Variants in CNGB3 observed in about 807,000 individuals in gnomAD.
CNGB3 encodes the protein cyclic nucleotide-gated channel beta-3.
Under a neutral mutation model 92.8 loss-of-function variants are expected in CNGB3, and 86 were observed. The observed-to-expected ratio is 0.93, with a 90% CI of 0.78 to 1.11. The LOEUF (loss-of-function observed/expected upper bound fraction) is 1.11. Ranked by LOEUF, CNGB3 falls within the 50% of genes least tolerant of loss-of-function variation. The probability of loss-of-function intolerance (pLI) is 0.00; values close to 1 mark genes in which losing one functional copy is unlikely to be tolerated. For synonymous variants in CNGB3, 333 were observed against 332.7 expected, an observed-to-expected ratio of 1.00 and a Z score of -0.01; for missense variants, 1,026 against 956.8, an observed-to-expected ratio of 1.07 and a Z score of -0.95.
chr8:86,690,939 C>G (rs922793320), intron 3 of CNGB3, among the ~76,000 whole-genome samples: 3 of 152,098 alleles, frequency 2.0e-5, no homozygotes, highest in Admixed American at 6.6e-5. Flanking sequence ...GGTACCAGTA[C>G]CATGCTGTTT....
intron 3 of CNGB3, among the ~76,000 whole-genome samples, chr8:86,688,719 C>T (rs566892241): frequency 6.6e-6 from 1 of 151,748 alleles, no homozygotes; most frequent in East Asian, 1.9e-4. Context: ...CTTAGTCTTG[C>T]TAAAGGTTTG....
At chr8:86,578,580 A>T in intron 17 of CNGB3, 109 bp downstream of exon 17, 1 of 1,008,352 alleles carries the variant, frequency 9.9e-7, no homozygotes, top group Non-Finnish European at 1.6e-6. Context: ...GTATTAGATT[A>T]GTCCAAATCA....
At chr8:86,587,642 A>G (rs1821927386) in intron 15 of CNGB3, among the ~76,000 whole-genome samples, 2 of 151,668 alleles carry the variant, frequency 1.3e-5, no homozygotes, top group South Asian at 4.2e-4. Flanking sequence ...AAGATCAGAT[A>G]GTTGTAGATA....
chr8:86,661,741 C>T (rs1162131198), intron 6 of CNGB3: 5 of 1,577,678 alleles, frequency 3.2e-6, no homozygotes, highest in Non-Finnish European at 4.3e-6. Context: ...GATCTAGCAT[C>T]TCAAACATCC....
rs114371452 is a variant in CNGB3, at chr8:86,651,164, G to A, written c.903+2848C>T. 4.4e-3 allele frequency among the ~76,000 whole-genome samples: 663 copies of A among 151,280 alleles called. 6 individuals carry two copies. The highest frequency in any genetic ancestry group is 0.015 in the African/African-American group (630 of 41,316). On this transcript the variant is annotated intron_variant, in intron 7 of 17. Transcript: ENST00000320005. ...TGGACTTTGAAGACCAGAAGGGGGG[G>A]TGTGTTTGGGGTGGGACAAAAAAAC...
chr8:86,581,934 A>C (rs1821793683), intron 15 of CNGB3, among the ~76,000 whole-genome samples: 1 of 152,170 alleles, frequency 6.6e-6, no homozygotes, highest in Non-Finnish European at 1.5e-5. Context: ...AAATTAGTAT[A>C]AAATGTCACA....
At chr8:86,719,928 A>C (rs1824934094) in intron 3 of CNGB3, among the ~76,000 whole-genome samples, 1 of 152,228 alleles carries the variant, frequency 6.6e-6, no homozygotes, top group Non-Finnish European at 1.5e-5. Context: ...TGGTGCTGGG[A>C]TAATTGGCAA....
chr8:86,578,974 A>G, intron 16 of CNGB3, 111 bp from the exon 17 acceptor site: 1 of 1,538,962 alleles, frequency 6.5e-7, no homozygotes, highest in Non-Finnish European at 9.0e-7. Context: ...GGGTACCTAC[A>G]TTAATAGTTG....
In CNGB3 at chr8:86,575,209, G is replaced by A. The variant is rs889323311; in HGVS notation, c.*595C>T. ...GACCAACATTGGTCTTCAGGGGACT[G>A]TTCCAAAAATCAGACTTCTCATTCA... is the stretch of plus-strand genomic sequence containing the variant. On this transcript the variant is annotated 3_prime_UTR_variant, in exon 18 of 18. Transcript: ENST00000320005. The A allele has an allele frequency of 1.3e-5, 2 of 152,196 alleles. No individual in the cohort carries two copies. The highest frequency in any genetic ancestry group is 4.8e-5 in the African/African-American group (2 of 41,446). The allele number at this position is 152,196 out of a possible 1,614,324, so 9.4% of individuals were successfully genotyped here. A position where few individuals can be genotyped will look rare whatever the true frequency, so the allele number is the denominator to read the frequency against.
At chr8:86,697,599 T>G (rs1327788266) in intron 3 of CNGB3, among the ~76,000 whole-genome samples, 3 of 152,186 alleles carry the variant, frequency 2.0e-5, no homozygotes, top group African/African-American at 7.2e-5. Flanking sequence ...TTAAAAAAAT[T>G]TTAGCAAAAC....
At chr8:86,607,332 C>T (rs1229081111) in intron 14 of CNGB3, among the ~76,000 whole-genome samples, 1 of 152,162 alleles carries the variant, frequency 6.6e-6, no homozygotes, top group Non-Finnish European at 1.5e-5. Flanking sequence ...TAAGATTGAA[C>T]CAAGCTCTGG....
chr8:86,581,835 G>A (rs939436509), intron 15 of CNGB3, among the ~76,000 whole-genome samples: 4 of 152,172 alleles, frequency 2.6e-5, no homozygotes, highest in African/African-American at 9.7e-5. Context: ...CCAGTCAACA[G>A]TGGAGACAAA....
At chr8:86,655,779 G>A (rs1214253672) in intron 6 of CNGB3, among the ~76,000 whole-genome samples, 1 of 152,198 alleles carries the variant, frequency 6.6e-6, no homozygotes, top group East Asian at 1.9e-4. Flanking sequence ...TGTGACGAGT[G>A]ATAGATGACT....
At chr8:86,742,684 G>T (rs1023643607) in intron 1 of CNGB3, among the ~76,000 whole-genome samples, 1 of 152,102 alleles carries the variant, frequency 6.6e-6, no homozygotes, top group Admixed American at 6.5e-5. Context: ...TCTGTGGATA[G>T]TTCTAAGTAA....
chr8:86,578,068 C>A (rs1821692020), intron 17 of CNGB3, among the ~76,000 whole-genome samples: 1 of 152,036 alleles, frequency 6.6e-6, no homozygotes, highest in African/African-American at 2.4e-5. Flanking sequence ...TGCCACCATG[C>A]CCGGCTAATT....
At position 86,647,791 on chromosome 8, in the gene CNGB3, G is replaced by A. The variant is rs2131597294; in HGVS notation, c.990+10C>T. 7.5e-7 allele frequency: 1 copy of A among 1,333,922 alleles called. No individual in the cohort carries two copies. Among genetic ancestry groups the A allele is most frequent in the African/African-American group, 1.4e-5 (1 of 69,228 alleles). 82.6% of individuals were successfully genotyped at this position (1,333,922 alleles called of 1,614,324 possible). A position where few individuals can be genotyped will look rare whatever the true frequency, so the allele number is the denominator to read the frequency against. The stretch of plus-strand genomic sequence containing the variant: ...ATAAGGGAAAAGACAATTAAATATA[G>A]TTATCTTACCTTTAACATCCTATTT... On this transcript the variant is annotated intron_variant, in intron 8 of 17. Coordinates refer to ENST00000320005, the MANE Select transcript of CNGB3 (RefSeq NM_019098.5).
intron 15 of CNGB3, chr8:86,593,874 G>C (rs899642869): frequency 1.4e-6 from 1 of 692,968 alleles, no homozygotes. Flanking sequence ...AGCATAGCCA[G>C]GTCCTGCTTG....
chr8:86,602,288 T>A (rs1822321207), intron 15 of CNGB3, among the ~76,000 whole-genome samples: 2 of 152,088 alleles, frequency 1.3e-5, no homozygotes, highest in South Asian at 2.1e-4. Flanking sequence ...AGGATCACCT[T>A]AACAAATAAT....
At chr8:86,692,524 TG>T (rs980375354) in intron 3 of CNGB3, among the ~76,000 whole-genome samples, 5 of 152,220 alleles carry the variant, frequency 3.3e-5, no homozygotes, top group African/African-American at 9.6e-5. Flanking sequence ...AAGTCTTTTT[TG>T]TCTGTTAGAA....
Sources: gnomAD v4.1 joint callset for allele counts (sites outside exome capture counted in the v4.1 genomes callset) on GRCh38, gnomAD v4.1.1 for gene constraint, MANE v1.5 for transcripts, NCBI Gene and HGNC (gene_info 2026-07-23, HGNC 2026-07-21) for gene names.